FGF13: variants seen among roughly 807,000 people sequenced by gnomAD.
FGF13 encodes fibroblast growth factor 13, also known as fibroblast growth factor homologous factor 2.
In FGF13, 2 loss-of-function variants were observed where a neutral mutation model predicts 19.5. The observed-to-expected ratio is 0.10, with a 90% confidence interval of 0.04 to 0.32. The LOEUF is 0.32. FGF13 is among the 10% of genes least tolerant of loss of function. The pLI is 1.00. For synonymous variants in FGF13, 72 were observed against 76.9 expected, an observed-to-expected ratio of 0.94 and a Z score of 0.33; for missense variants, 113 against 192.7, an observed-to-expected ratio of 0.59 and a Z score of 2.45.
chrX:138,651,050 G>A (rs1390426805), intron 3 of FGF13, among the ~76,000 whole-genome samples: 6 of 111,909 alleles, frequency 5.4e-5, no homozygotes, highest in Non-Finnish European at 1.1e-4. Context: ...AAACCATAGG[G>A]AGGAGGAAGG....
intron 1 of FGF13, among the ~76,000 whole-genome samples, chrX:139,113,708 T>C (rs188016991): frequency 8.9e-6 from 1 of 112,072 alleles, no homozygotes; most frequent in African/African-American, 3.2e-5. Context: ...GAATACCTTT[T>C]AATTGTTGAA....
At position 138,625,805 on chromosome X, in the gene FGF13, G is replaced by C; in HGVS notation, c.*7045C>G. On this transcript the variant is annotated 3_prime_UTR_variant, in exon 5 of 5. Coordinates refer to ENST00000315930, the MANE Select transcript of FGF13 (RefSeq NM_004114.5). ...TTATATACCATTTCGGTTGTTCGTA[G>C]TAATTATGTTACCTTAAAAAAATAA... The C allele has an allele frequency of 9.1e-6, 1 of 109,662 alleles. No individual in the cohort carries two copies. The highest frequency in any genetic ancestry group is 1.9e-5 in the Non-Finnish European group (1 of 52,726). 9.0% of individuals were successfully genotyped at this position (109,662 alleles called of 1,213,427 possible).
intron 1 of FGF13, among the ~76,000 whole-genome samples, chrX:139,057,730 T>C (rs897594459): frequency 8.9e-6 from 1 of 112,204 alleles, no homozygotes; most frequent in Non-Finnish European, 1.9e-5. Flanking sequence ...CCGATACATG[T>C]CACAACATGG....
chrX:138,916,293 G>A (rs942833575), intron 1 of FGF13, among the ~76,000 whole-genome samples: 1 of 111,429 alleles, frequency 9.0e-6, no homozygotes, highest in South Asian at 3.8e-4. Context: ...TTCTAAATAC[G>A]GACTCCTGTT....
intron 1 of FGF13, among the ~76,000 whole-genome samples, chrX:139,058,609 T>A (rs1209707031): frequency 8.9e-6 from 1 of 112,053 alleles, no homozygotes; most frequent in African/African-American, 3.2e-5. Context: ...TAAAATAGTA[T>A]CTGTACACAC....
chrX:139,131,382 G>GGTGTGT lies in FGF13; in HGVS notation c.-113+72028_-113+72033dup, dbSNP rs10541863. 5.6e-4 allele frequency among the ~76,000 whole-genome samples: 51 copies of GGTGTGT among 91,447 alleles called. 1 individual carries two copies. Among genetic ancestry groups the GGTGTGT allele is most frequent in the South Asian group, 1.3e-3 (2 of 1,575 alleles). 79.4% of individuals were successfully genotyped at this position (91,447 alleles called of 115,157 possible). On this transcript the variant is annotated intron_variant, in intron 1 of 2. Coordinates refer to the FGF13 transcript ENST00000421460. ...TGTTGTATGGATTAGAATATAGAGGGGTGTGTGTGTGTGTGTGTGTGTGTG... is the reference window on the plus strand; with the variant it reads ...TGTTGTATGGATTAGAATATAGAGGGGTGTGTGTGTGTGTGTGTGTGTGTGTGTGTG...
At chrX:139,087,125 C>T (rs932974282) in intron 1 of FGF13, among the ~76,000 whole-genome samples, 3 of 111,660 alleles carry the variant, frequency 2.7e-5, no homozygotes, top group Non-Finnish European at 3.8e-5. Flanking sequence ...GGAGAAACCC[C>T]GTCTCTAGTA....
chrX:139,069,997 C>A (rs761933906), intron 1 of FGF13, among the ~76,000 whole-genome samples: 1 of 112,332 alleles, frequency 8.9e-6, no homozygotes, highest in African/African-American at 3.2e-5. Context: ...GGATTAAAGA[C>A]TTAAACATAA....
intron 3 of FGF13, among the ~76,000 whole-genome samples, chrX:138,783,909 C>G (rs2090669982): frequency 9.2e-6 from 1 of 108,202 alleles, no homozygotes; most frequent in African/African-American, 3.4e-5. Context: ...AGACTTGGAA[C>G]CAACCCAAAT....
At chrX:139,124,302 G>C (rs2083699301) in intron 1 of FGF13, among the ~76,000 whole-genome samples, 1 of 112,514 alleles carries the variant, frequency 8.9e-6, no homozygotes, top group African/African-American at 3.2e-5. Flanking sequence ...CGGGATAATA[G>C]GAGGCAAGTA....
At chrX:138,724,762 T>C (rs973730505) in intron 1 of FGF13, among the ~76,000 whole-genome samples, 2 of 111,365 alleles carry the variant, frequency 1.8e-5, no homozygotes, top group African/African-American at 6.5e-5. Flanking sequence ...TGAGGAGATA[T>C]AATGACTAAA....
intron 1 of FGF13, among the ~76,000 whole-genome samples, chrX:139,099,858 A>C (rs2083496536): frequency 9.0e-6 from 1 of 111,426 alleles, no homozygotes; most frequent in Admixed American, 9.6e-5. Flanking sequence ...AAACTGCTAC[A>C]TTAGTAGACT....
intron 1 of FGF13, among the ~76,000 whole-genome samples, chrX:139,080,396 T>C (rs370565625): frequency 8.9e-6 from 1 of 112,039 alleles, no homozygotes; most frequent in South Asian, 3.7e-4. Flanking sequence ...TGTAGAAGTA[T>C]TATCTGTCAT....
At chrX:138,914,627 TGTGTTGGAC>T (rs1282557215) in intron 1 of FGF13, among the ~76,000 whole-genome samples, 2 of 87,908 alleles carry the variant, frequency 2.3e-5, no homozygotes, top group Non-Finnish European at 4.4e-5. Flanking sequence ...TTTCGAAGCT[TGTGTTGGAC>T]TTTTTTTTTT....
intron 1 of FGF13, among the ~76,000 whole-genome samples, chrX:139,185,687 C>T (rs1352158870): frequency 9.0e-6 from 1 of 111,543 alleles, no homozygotes; most frequent in Non-Finnish European, 1.9e-5. Context: ...TACACCACCT[C>T]CAATGACAAA....
chrX:138,853,163 C>T (rs1394907991), downstream of FGF13, among the ~76,000 whole-genome samples: 1 of 111,618 alleles, frequency 9.0e-6, no homozygotes, highest in African/African-American at 3.3e-5. Flanking sequence ...ATTTAATAAC[C>T]ATAGTTTAGT....
At chrX:139,146,218 C>T (rs12388429) in intron 1 of FGF13, among the ~76,000 whole-genome samples, 9,847 of 111,214 alleles carry the variant, frequency 0.089, 344 homozygotes, top group African/African-American at 0.12. Context: ...GCAATCTACC[C>T]ATCTGACAAA....
intron 1 of FGF13, among the ~76,000 whole-genome samples, chrX:138,965,292 G>C (rs1283146581): frequency 8.9e-6 from 1 of 112,145 alleles, no homozygotes; most frequent in Non-Finnish European, 1.9e-5. Flanking sequence ...CTATCATGTG[G>C]TATTGCCATC....
At chrX:139,117,307 C>A (rs1428318046) in intron 1 of FGF13, among the ~76,000 whole-genome samples, 2 of 111,401 alleles carry the variant, frequency 1.8e-5, no homozygotes, top group Non-Finnish European at 3.8e-5. Flanking sequence ...TCCTACACAG[C>A]AAAAAAATTA....
Sources: allele counts gnomAD v4.1 joint callset (sites outside exome capture counted in the v4.1 genomes callset), GRCh38; gene constraint gnomAD v4.1.1; transcripts MANE v1.5; gene names NCBI Gene and HGNC (gene_info 2026-07-23, HGNC 2026-07-21).